The following ALPK2 variants were observed in gnomAD, a reference collection of about 807,000 sequenced individuals.
ALPK2 encodes alpha kinase 2, also known as alpha-protein kinase 2.
In ALPK2, 127 loss-of-function variants were observed where a neutral mutation model predicts 163.1. That is an observed-to-expected ratio of 0.78 (90% CI 0.67 to 0.90). ALPK2 has a LOEUF of 0.90. Ranked by LOEUF, ALPK2 falls within the 40% of genes least tolerant of loss-of-function variation. The pLI is 0.00. For synonymous variants in ALPK2, 953 were observed against 959.1 expected (o/e 0.99, Z 0.12); for missense variants, 2,360 against 2,589.6 (o/e 0.91, Z 1.92).
chr18:58,522,891 A>C (rs1446809839), intron 8 of ALPK2, among the ~76,000 whole-genome samples: 1 of 151,416 alleles, frequency 6.6e-6, no homozygotes, highest in East Asian at 1.9e-4. Flanking sequence ...TGGCTCATGA[A>C]TTGTCATTTC....
At chr18:58,564,687 G>A (rs1379107490) in intron 4 of ALPK2, among the ~76,000 whole-genome samples, 1 of 151,700 alleles carries the variant, frequency 6.6e-6, no homozygotes, top group African/African-American at 2.4e-5. Flanking sequence ...TCACTGCCTC[G>A]GAAATTAACA....
intron 12 of ALPK2, among the ~76,000 whole-genome samples, chr18:58,491,528 A>G (rs899771090): frequency 2.0e-5 from 3 of 152,084 alleles, no homozygotes; most frequent in African/African-American, 7.2e-5. Context: ...AGATCAATAA[A>G]CTGGCTCATT....
At chr18:58,611,495 C>T (rs553102047) in intron 2 of ALPK2, among the ~76,000 whole-genome samples, 194 bp downstream of exon 2, 6 of 152,080 alleles carry the variant, frequency 3.9e-5, no homozygotes, top group Admixed American at 3.9e-4. Context: ...ATCACTAAAT[C>T]GTGTCCAGGA....
chr18:58,524,573 AT>A (rs1200680976), intron 6 of ALPK2, among the ~76,000 whole-genome samples: 1 of 152,144 alleles, frequency 6.6e-6, no homozygotes, highest in Non-Finnish European at 1.5e-5. Context: ...CTCACCCAAA[AT>A]TATTAAGTTC....
intron 1 of ALPK2, among the ~76,000 whole-genome samples, chr18:58,612,489 A>G (rs1298043805): frequency 6.6e-6 from 1 of 152,224 alleles, no homozygotes; most frequent in Non-Finnish European, 1.5e-5. Context: ...CTTTGAAGCT[A>G]CTTAAAGGAT....
At chr18:58,487,144 C>T (rs2144095745) in intron 12 of ALPK2, among the ~76,000 whole-genome samples, 1 of 147,908 alleles carries the variant, frequency 6.8e-6, no homozygotes, top group African/African-American at 2.4e-5. Context: ...CAGAATGTGA[C>T]CTTATTTGGA....
chr18:58,618,594 T>C (rs1327853089), intron 1 of ALPK2, among the ~76,000 whole-genome samples: 1 of 152,242 alleles, frequency 6.6e-6, no homozygotes, highest in Non-Finnish European at 1.5e-5. Context: ...CTGAATAGTA[T>C]ATAAAGTAAG....
chr18:58,599,979 A>G lies in ALPK2; in HGVS notation c.227+7343T>C, dbSNP rs191300631. ...AAGCGAAGTTGATGGTGACAATTCT[A>G]TTAGCAGGTTGTGTGTTCTGAGGTG... is the stretch of plus-strand genomic sequence containing the variant. On this transcript the variant is annotated intron_variant, in intron 3 of 12. Coordinates refer to ENST00000361673, the MANE Select transcript of ALPK2 (RefSeq NM_052947.4). Among the ~76,000 whole-genome samples the G allele has an allele frequency of 4.2e-5, 6 of 142,542 alleles. No individual in the cohort carries two copies. The East Asian group carries it at 8.9e-4, about 21-fold the overall frequency. 93.5% of individuals were successfully genotyped at this position (142,542 alleles called of 152,430 possible). A position where few individuals can be genotyped will look rare whatever the true frequency, so the allele number is the denominator to read the frequency against.
chr18:58,515,084 A>G lies in ALPK2; in HGVS notation c.5941-3T>C, dbSNP rs201920393. On this transcript the variant is annotated splice_region_variant and splice_polypyrimidine_tract_variant and intron_variant, in intron 9 of 12. Transcript: ENST00000361673. Reference sequence around the variant, plus strand: ...GCAGTATTTTGAACATAGCATTCCTATATCGCCAAAATACATAGAAAGCCC... The same window carrying G: ...GCAGTATTTTGAACATAGCATTCCTGTATCGCCAAAATACATAGAAAGCCC... 4.9e-5 allele frequency: 79 copies of G among 1,608,372 alleles called. No individual in the cohort carries two copies. Among genetic ancestry groups the G allele is most frequent in the Non-Finnish European group, 6.4e-5 (75 of 1,176,446 alleles).
chr18:58,514,282 A>G (rs1461113070), intron 10 of ALPK2, among the ~76,000 whole-genome samples: 2 of 152,214 alleles, frequency 1.3e-5, no homozygotes, highest in Non-Finnish European at 2.9e-5. Context: ...GCAGACAAGA[A>G]TTTCTTCCTT....
In ALPK2 at chr18:58,517,045, G is replaced by A. The variant is rs3809984; in HGVS notation, c.5803C>T (p.Arg1935Cys). 39 of 1,614,216 alleles carry A rather than the reference G, an allele frequency of 2.4e-5. No individual in the cohort carries two copies. The highest frequency in any genetic ancestry group is 3.3e-4 in the Middle Eastern group (2 of 6,062). Residue 1935 changes from arginine (R) to cysteine (C), a missense_variant, in exon 9 of 13, where the codon CGC (arginine) becomes TGC (cysteine). Coordinates refer to ENST00000361673, the MANE Select transcript of ALPK2 (RefSeq NM_052947.4). ...FGEGVHRKAF[R>C]STVMHGLMPV... is the part of the protein sequence containing the mutation. ...ATGAGGCCGTGCATCACTGTGCTGC[G>A]GAAGGCTTTGCGGTGAACCCCTTCT... is the stretch of plus-strand genomic sequence containing the variant.
At chr18:58,526,484 C>T (rs1055472532) in intron 6 of ALPK2, among the ~76,000 whole-genome samples, 3 of 152,230 alleles carry the variant, frequency 2.0e-5, no homozygotes, top group African/African-American at 7.2e-5. Context: ...ATGACCTGTG[C>T]TCCATGACCT....
intron 1 of ALPK2, among the ~76,000 whole-genome samples, chr18:58,616,956 G>T (rs2052173171): frequency 6.6e-6 from 1 of 152,076 alleles, no homozygotes; most frequent in South Asian, 2.1e-4. Context: ...CAACCTGTGG[G>T]ATCTGACACT....
chr18:58,522,763 C>A (rs1168245412), intron 8 of ALPK2, among the ~76,000 whole-genome samples: 1 of 152,084 alleles, frequency 6.6e-6, no homozygotes, highest in Non-Finnish European at 1.5e-5. Context: ...AAGTCAAATC[C>A]AAACTCCCCC....
chr18:58,573,412 GT>G (rs113581403), intron 4 of ALPK2, among the ~76,000 whole-genome samples: 35,107 of 134,206 alleles, frequency 0.26, 4,823 homozygotes, highest in Non-Finnish European at 0.28. Flanking sequence ...ATATATATAT[GT>G]TTTTTTTTTT....
intron 10 of ALPK2, among the ~76,000 whole-genome samples, chr18:58,510,246 C>T (rs1217337174): frequency 6.6e-6 from 1 of 152,132 alleles, no homozygotes; most frequent in Non-Finnish European, 1.5e-5. Context: ...TGGTCTACAT[C>T]TCTGTTTTGG....
At chr18:58,546,811 G>A (rs114684412) in intron 4 of ALPK2, among the ~76,000 whole-genome samples, 19 of 152,266 alleles carry the variant, frequency 1.2e-4, no homozygotes, top group African/African-American at 4.6e-4. Context: ...GACAGAGTGA[G>A]CCATAATTTC....
chr18:58,481,700 C>T lies in ALPK2; in HGVS notation c.*123G>A, dbSNP rs773293092. 51 of 749,554 alleles carry T rather than the reference C, an allele frequency of 6.8e-5. No individual in the cohort carries two copies. The highest frequency in any genetic ancestry group is 9.5e-5 in the Non-Finnish European group (42 of 443,650). The allele number at this position is 749,554 out of a possible 1,614,324, so 46.4% of individuals were successfully genotyped here. On this transcript the variant is annotated 3_prime_UTR_variant, in exon 13 of 13. Coordinates refer to ENST00000361673, the MANE Select transcript of ALPK2 (RefSeq NM_052947.4). ...GTTTAGAAGCATCTTGGCGCACAGT[C>T]GGCTGGGAGTAAGGATTGCCACGCA...
intron 9 of ALPK2, among the ~76,000 whole-genome samples, chr18:58,515,616 G>A (rs1192247358): frequency 6.6e-6 from 1 of 152,182 alleles, no homozygotes; most frequent in African/African-American, 2.4e-5. Flanking sequence ...GAGATGGAGG[G>A]AATACTGAGA....
Sources: allele counts gnomAD v4.1 joint callset (sites outside exome capture counted in the v4.1 genomes callset), GRCh38; gene constraint gnomAD v4.1.1; transcripts MANE v1.5; gene names NCBI Gene and HGNC (gene_info 2026-07-23, HGNC 2026-07-21).